Variants in DOCK5 observed in about 807,000 individuals in gnomAD.
DOCK5 encodes dedicator of cytokinesis protein 5.
DOCK5 carries 142 observed loss-of-function variants against 251.8 expected under a neutral mutation model. That is an observed-to-expected ratio of 0.56 (90% CI 0.49 to 0.65). The LOEUF is 0.65. DOCK5 is among the 30% of genes least tolerant of loss of function. The pLI, the probability that DOCK5 is intolerant of heterozygous loss-of-function variation, is 0.00. For missense variants in DOCK5, 2,111 were observed against 2,312.3 expected (o/e 0.91, Z 1.79); for synonymous variants, 842 against 835.5 (o/e 1.01, Z -0.13).
chr8:25,326,997 G>A (rs188874337), intron 18 of DOCK5, among the ~76,000 whole-genome samples: 69 of 152,300 alleles, frequency 4.5e-4, no homozygotes, highest in African/African-American at 1.6e-3. Flanking sequence ...GCAACCTGCA[G>A]GCAGATTGCC....
intron 2 of DOCK5, among the ~76,000 whole-genome samples, chr8:25,253,556 TGG>T (rs1803332938): frequency 6.6e-6 from 1 of 152,190 alleles, no homozygotes. Context: ...ACGGTTGGGC[TGG>T]CTAAGCCTCA....
chr8:25,391,170 A>G (rs1305886394), intron 42 of DOCK5, among the ~76,000 whole-genome samples: 1 of 149,528 alleles, frequency 6.7e-6, no homozygotes, highest in Non-Finnish European at 1.5e-5. Context: ...TCAGCCTCCT[A>G]AGTAGCTGGG....
intron 2 of DOCK5, among the ~76,000 whole-genome samples, chr8:25,253,648 C>T (rs1310450041): frequency 6.6e-6 from 1 of 152,070 alleles, no homozygotes; most frequent in African/African-American, 2.4e-5. Flanking sequence ...TCTCCTCTTG[C>T]TTATATCTGG....
intron 13 of DOCK5, among the ~76,000 whole-genome samples, chr8:25,313,431 C>T (rs1162361234): frequency 6.6e-6 from 1 of 152,172 alleles, no homozygotes; most frequent in Non-Finnish European, 1.5e-5. Context: ...CTTCCCTTCT[C>T]ATTGGTGACC....
In DOCK5 at chr8:25,373,643, A is replaced by C; in HGVS notation, c.3710A>C (p.Glu1237Ala). 1 of 1,596,878 alleles carries C rather than the reference A, an allele frequency of 6.3e-7. No homozygotes were observed. The highest frequency in any genetic ancestry group is 8.5e-7 in the Non-Finnish European group (1 of 1,171,250). Residue 1237 changes from glutamate to alanine, a missense_variant, in exon 36 of 52, where the codon GAG (glutamate) becomes GCG (alanine). Coordinates refer to ENST00000276440, the MANE Select transcript of DOCK5 (RefSeq NM_024940.8). ...VLNFYKEKKR[E>A]DIYIRYLYKL... ...AACTTTTATAAAGAAAAGAAGAGAG[A>C]GGACATATACATAAGGTAAGCTGAA... is the stretch of plus-strand genomic sequence containing the variant.
chr8:25,249,144 A>G (rs1803199913), intron 2 of DOCK5, among the ~76,000 whole-genome samples: 1 of 152,028 alleles, frequency 6.6e-6, no homozygotes, highest in African/African-American at 2.4e-5. Context: ...GACTACTGGT[A>G]CATGCCACCA....
chr8:25,238,729 T>A (rs1479687897), intron 1 of DOCK5, among the ~76,000 whole-genome samples: 1 of 152,190 alleles, frequency 6.6e-6, no homozygotes, highest in Non-Finnish European at 1.5e-5. Context: ...AGAAGTGTGT[T>A]TGAGTTTGGG....
At chr8:25,392,120 G>C (rs1359426682) in intron 43 of DOCK5, 140 bp downstream of exon 43, 7 of 762,242 alleles carry the variant, frequency 9.2e-6, no homozygotes. Context: ...TGGCTAATAC[G>C]GTGAAACCCC....
intron 1 of DOCK5, among the ~76,000 whole-genome samples, chr8:25,214,773 C>T (rs1454893734): frequency 6.6e-6 from 1 of 152,152 alleles, no homozygotes; most frequent in Admixed American, 6.5e-5. Flanking sequence ...CGAAAGGGGA[C>T]AGAGAGGATC....
intron 1 of DOCK5, among the ~76,000 whole-genome samples, chr8:25,206,842 G>A (rs1268938414): frequency 6.6e-6 from 1 of 152,236 alleles, no homozygotes; most frequent in Non-Finnish European, 1.5e-5. Flanking sequence ...TGTCGTTTGG[G>A]AGTTGAGTTG....
chr8:25,378,348 T>C (rs186751115), intron 38 of DOCK5, among the ~76,000 whole-genome samples: 4 of 152,360 alleles, frequency 2.6e-5, no homozygotes, highest in African/African-American at 9.6e-5. Context: ...CAAGACCAGA[T>C]ACATGATTTA....
intron 1 of DOCK5, among the ~76,000 whole-genome samples, chr8:25,187,549 T>A (rs1801466078): frequency 6.6e-6 from 1 of 151,196 alleles, no homozygotes; most frequent in Non-Finnish European, 1.5e-5. Flanking sequence ...AAGAGAGAAA[T>A]CTCCATTGCT....
chr8:25,359,024 A>G lies in DOCK5; in HGVS notation c.2912A>G (p.His971Arg), dbSNP rs753215120. The G allele has an allele frequency of 6.2e-7, 1 of 1,614,034 alleles. No homozygotes were observed. The highest frequency in any genetic ancestry group is 1.7e-5 in the Admixed American group (1 of 60,026). Residue 971 changes from histidine (H) to arginine (R), a missense_variant, in exon 28 of 52, where the codon CAC (histidine) becomes CGC (arginine). His to Arg is a conservative substitution (Grantham distance 29, BLOSUM62 0). This residue lies in a region of DOCK5 where 1,717 missense variants were observed against 1,892.4 expected (regional missense o/e 0.91). Coordinates refer to ENST00000276440, the MANE Select transcript of DOCK5 (RefSeq NM_024940.8). Reference sequence around the variant, plus strand: ...CAAATGGACGACAGCCACTATAGCCACTACATCAGCACTTTCAAAACCAGA... The same window carrying G: ...CAAATGGACGACAGCCACTATAGCCGCTACATCAGCACTTTCAAAACCAGA... ...LQQMDDSHYS[H>R]YISTFKTRQD...
At chr8:25,345,422 C>G (rs538773180) in intron 25 of DOCK5, 53 bp from the exon 26 acceptor site, 1 of 1,600,332 alleles carries the variant, frequency 6.2e-7, no homozygotes, top group Non-Finnish European at 8.5e-7. Flanking sequence ...AGGAGACAGG[C>G]AGTTCAGGAG....
At chr8:25,185,632 C>T (rs1801412352) in intron 1 of DOCK5, among the ~76,000 whole-genome samples, 2 of 152,144 alleles carry the variant, frequency 1.3e-5, no homozygotes, top group African/African-American at 4.8e-5. Flanking sequence ...GTAAGGCTGC[C>T]TTCCGGATCC....
chr8:25,207,195 T>C (rs897512670), intron 1 of DOCK5, among the ~76,000 whole-genome samples: 1 of 152,084 alleles, frequency 6.6e-6, no homozygotes, highest in Non-Finnish European at 1.5e-5. Flanking sequence ...AATAAAGCAA[T>C]GGTTCATGAA....
intron 1 of DOCK5, among the ~76,000 whole-genome samples, chr8:25,213,574 A>G (rs919164670): frequency 3.3e-5 from 5 of 151,670 alleles, no homozygotes; most frequent in African/African-American, 9.7e-5. Flanking sequence ...TGGCATTTTC[A>G]TTTTCCTCAT....
chr8:25,254,543 A>C (rs953655400), intron 2 of DOCK5, among the ~76,000 whole-genome samples: 1 of 151,958 alleles, frequency 6.6e-6, no homozygotes, highest in Non-Finnish European at 1.5e-5. Context: ...TGGGAGGCCG[A>C]GGTGGGCAGA....
chr8:25,246,704 TTGTG>T (rs55963570), intron 2 of DOCK5, among the ~76,000 whole-genome samples: 10,625 of 89,226 alleles, frequency 0.12, 628 homozygotes, highest in Admixed American at 0.18. Flanking sequence ...CCATGTTAGT[TTGTG>T]TGTGTGTGTG....
Sources: gnomAD v4.1 joint callset for allele counts (sites outside exome capture counted in the v4.1 genomes callset) on GRCh38, gnomAD v4.1.1 for gene constraint, gnomAD v4.1.1 regional missense constraint, MANE v1.5 for transcripts, NCBI Gene and HGNC (gene_info 2026-07-23, HGNC 2026-07-21) for gene names.